LRRD1: variants seen among roughly 807,000 people sequenced by gnomAD.
The protein encoded by LRRD1 is leucine rich repeats and death domain containing 1.
In LRRD1, 49 loss-of-function variants were observed where a neutral mutation model predicts 69.5. The ratio of observed to expected loss-of-function variants is 0.70; its 90% CI spans 0.56 to 0.89. LRRD1 has a LOEUF of 0.89. Among genes scored for constraint, LRRD1 ranks in the 40% least tolerant of loss-of-function variants. The pLI, the probability that LRRD1 is intolerant of heterozygous loss-of-function variation, is 0.00. For synonymous variants in LRRD1, 303 were observed against 338.9 expected, an observed-to-expected ratio of 0.89 and a Z score of 1.16; for missense variants, 853 against 956.0, an observed-to-expected ratio of 0.89 and a Z score of 1.42.
chr7:92,156,757 T>C (rs1278224615), intron 3 of LRRD1, among the ~76,000 whole-genome samples: 1 of 152,310 alleles, frequency 6.6e-6, no homozygotes, highest in Non-Finnish European at 1.5e-5. Context: ...CTATTTACTT[T>C]TTATTTCTTT....
At chr7:92,142,611 T>G, downstream of LRRD1, 1 of 437,452 alleles carries the variant, frequency 2.3e-6, no homozygotes, top group Non-Finnish European at 4.6e-6. Flanking sequence ...ACGGTCAGTG[T>G]TACAGCTCTT....
Position 92,164,686 on chromosome 7 carries a change from T to C in LRRD1, c.517A>G (p.Lys173Glu). The change falls in exon 2 of 6, where the codon AAG becomes GAG. Residue 173 changes from lysine to glutamate, a missense_variant. Physicochemically the swap from Lys to Glu is moderately conservative, Grantham distance 56. Around this residue, in one of 3 missense-constraint regions of LRRD1, gnomAD observed 739 missense variants for 808.0 expected, o/e 0.91. Transcript: ENST00000458448. ...IKYVKYLYLDKNQIKTFQGAD... is the reference protein window; with the variant it reads ...IKYVKYLYLDENQIKTFQGAD... ...CCTTGAAATGTTTTGATTTGATTCT[T>C]GTCTAAATATAGATATTTTACATAT... 1 of 1,551,158 alleles carries C rather than the reference T, an allele frequency of 6.4e-7. No homozygotes were observed. The highest frequency in any genetic ancestry group is 8.7e-7 in the Non-Finnish European group (1 of 1,146,640).
chr7:92,143,099 G>A (rs1820207890), downstream of LRRD1: 2 of 179,286 alleles, frequency 1.1e-5, no homozygotes, highest in African/African-American at 4.8e-5. Flanking sequence ...CAGACACAAA[G>A]GTTCTCCACG....
At chr7:92,152,592 A>T (rs889837555) in intron 3 of LRRD1, among the ~76,000 whole-genome samples, 2 of 150,024 alleles carry the variant, frequency 1.3e-5, no homozygotes, top group Non-Finnish European at 3.0e-5. Context: ...ACCATTTTGT[A>T]TTTCTTTCAT....
chr7:92,170,069 G>A (rs1584662205), intron 1 of LRRD1, among the ~76,000 whole-genome samples: 4 of 138,030 alleles, frequency 2.9e-5, no homozygotes, highest in African/African-American at 5.5e-5. Flanking sequence ...ATGAGACCTT[G>A]AAAAAAAAAA....
At chr7:92,161,326 G>A (rs567133211) in intron 2 of LRRD1, among the ~76,000 whole-genome samples, 1 of 152,354 alleles carries the variant, frequency 6.6e-6, no homozygotes, top group South Asian at 2.1e-4. Context: ...TTTTTGACAG[G>A]AGTTCTTGTA....
chr7:92,174,110 G>A (rs1163344439), intron 1 of LRRD1, among the ~76,000 whole-genome samples: 4 of 152,084 alleles, frequency 2.6e-5, no homozygotes, highest in Non-Finnish European at 5.9e-5. Flanking sequence ...TCACTCATAT[G>A]TGGGAGCTAA....
At chr7:92,168,875 T>C (rs973227802) in intron 1 of LRRD1, among the ~76,000 whole-genome samples, 1 of 152,084 alleles carries the variant, frequency 6.6e-6, no homozygotes, top group African/African-American at 2.4e-5. Context: ...CCCAACAAGA[T>C]GGTAATATGT....
chr7:92,157,938 T>C (rs531340344), intron 3 of LRRD1, among the ~76,000 whole-genome samples: 22 of 152,266 alleles, frequency 1.4e-4, no homozygotes, highest in Admixed American at 6.5e-4. Context: ...CTTTTTGAAA[T>C]TGGCATTGTT....
intron 4 of LRRD1, 45 bp from the exon 5 acceptor site, chr7:92,146,245 AATC>A: frequency 2.1e-6 from 2 of 974,960 alleles, no homozygotes; most frequent in Non-Finnish European, 1.5e-6. Flanking sequence ...TGAAAAAGAT[AATC>A]TATTTTGAGT....
chr7:92,154,103 G>A (rs1424027910), intron 3 of LRRD1, among the ~76,000 whole-genome samples: 5 of 152,150 alleles, frequency 3.3e-5, no homozygotes, highest in Admixed American at 2.0e-4. Flanking sequence ...TTTCCAAGGT[G>A]CTGGGATTAC....
At chr7:92,144,755 GTCA>G (rs1327558366), downstream of LRRD1, 8 of 457,342 alleles carry the variant, frequency 1.7e-5, no homozygotes, top group Non-Finnish European at 2.3e-5. Context: ...GTTATAAGTT[GTCA>G]TCATCTCTTA....
At chr7:92,142,925 G>A (rs960802134), downstream of LRRD1, 9 of 317,176 alleles carry the variant, frequency 2.8e-5, no homozygotes, top group South Asian at 5.2e-5. Context: ...CAATGCTTCC[G>A]CAGTGTGGAA....
chr7:92,164,728 C>T lies in LRRD1; in HGVS notation c.475G>A (p.Asp159Asn). Residue 159 changes from aspartate (D) to asparagine (N), a missense_variant, in exon 2 of 6, where the codon GAC (aspartate) becomes AAC (asparagine). This residue lies in a region of LRRD1 where 739 missense variants were observed against 808.0 expected (regional missense o/e 0.91). Coordinates refer to ENST00000458448, the MANE Select transcript of LRRD1 (RefSeq NM_001161528.2). ...TTTACATATTTGATTTTTAAAATGT[C>T]CTTAGGAAATTCCTGTAAACCCTTG... ...EAKGLQEFPK[D>N]ILKIKYVKYL... The T allele has an allele frequency of 6.4e-7, 1 of 1,550,758 alleles. No individual in the cohort carries two copies. Among genetic ancestry groups the T allele is most frequent in the Non-Finnish European group, 8.7e-7 (1 of 1,146,638 alleles).
chr7:92,172,585 T>G (rs1020360029), intron 1 of LRRD1, among the ~76,000 whole-genome samples: 8 of 151,834 alleles, frequency 5.3e-5, no homozygotes, highest in Non-Finnish European at 1.2e-4. Context: ...GCAATCCCAC[T>G]TAGAATAGCT....
rs763207097 is a variant in LRRD1 at position 92,163,468 on chromosome 7, C to T, written c.1735G>A (p.Glu579Lys). 1.9e-6 allele frequency: 3 copies of T among 1,540,406 alleles called. No individual in the cohort carries two copies. In the South Asian group the frequency reaches 3.6e-5, roughly 19 times the overall value. Residue 579 changes from glutamate to lysine, a missense_variant, in exon 2 of 6, where the codon GAA becomes AAA. This residue lies in a region of LRRD1 where 739 missense variants were observed against 808.0 expected (regional missense o/e 0.91). Transcript: ENST00000458448. ...ETFPRELCTL[E>K]NLQVLDLSEN... ...GAAAGATCAAGTACTTGCAAATTTT[C>T]TAAAGTACACAATTCTCTAGGGAAA...
At chr7:92,166,186 AAGTC>A (rs1788905143) in intron 1 of LRRD1, among the ~76,000 whole-genome samples, 1 of 152,112 alleles carries the variant, frequency 6.6e-6, no homozygotes, top group Non-Finnish European at 1.5e-5. Flanking sequence ...CCAGCTCTGT[AAGTC>A]CCTCCTTCAA....
chr7:92,145,118 A>T (rs1280607123), intron 5 of LRRD1, 44 bp from the exon 6 acceptor site: 1 of 985,252 alleles, frequency 1.0e-6, no homozygotes, highest in East Asian at 3.2e-5. Context: ...ATATTTATTA[A>T]CGTTTAATAT....
Position 92,164,360 on chromosome 7 carries a change from G to T in LRRD1, c.843C>A (p.Thr281=), listed in dbSNP as rs1224790109. The T allele has an allele frequency of 6.5e-7, 1 of 1,549,568 alleles. No individual in the cohort carries two copies. Among genetic ancestry groups the T allele is most frequent in the Non-Finnish European group, 8.7e-7 (1 of 1,146,314 alleles). ...TATATTCCAAATTGAGAACCCTCAA[G>T]GTTTTTAAACTAGGCAGAGTATCTG... ...HIPDTLPSLK[T]LRVLNLEYNQ... is the part of the protein sequence containing the mutation. The change falls in exon 2 of 6, where the codon ACC becomes ACA. Residue 281 remains threonine, a synonymous_variant. Coordinates refer to ENST00000458448, the MANE Select transcript of LRRD1 (RefSeq NM_001161528.2).
Sources: allele counts gnomAD v4.1 joint callset (sites outside exome capture counted in the v4.1 genomes callset), GRCh38; gene constraint gnomAD v4.1.1; regional missense constraint gnomAD v4.1.1; transcripts MANE v1.5; gene names NCBI Gene and HGNC (gene_info 2026-07-23, HGNC 2026-07-21).